The following WWOX variants were observed in gnomAD, a reference collection of about 807,000 sequenced individuals.
WWOX encodes WW domain containing oxidoreductase.
A neutral mutation model predicts 46.2 loss-of-function variants in WWOX; 69 were observed. The observed-to-expected ratio is 1.49, with a 90% confidence interval of 1.23 to 1.82. The LOEUF (loss-of-function observed/expected upper bound fraction) is 1.82. WWOX is among the 40% of genes most tolerant of loss of function. The probability of loss-of-function intolerance (pLI) is 0.00; values close to 1 mark genes in which losing one functional copy is unlikely to be tolerated. For synonymous variants in WWOX, 359 were observed against 202.6 expected (o/e 1.77, Z -6.56); for missense variants, 919 against 542.6 (o/e 1.69, Z -6.89).
At chr16:78,903,813 C>G (rs887594974) in intron 8 of WWOX, among the ~76,000 whole-genome samples, 3 of 152,174 alleles carry the variant, frequency 2.0e-5, no homozygotes, top group African/African-American at 7.2e-5. Flanking sequence ...GAGTCCAGTC[C>G]ATTTATAACA....
intron 8 of WWOX, among the ~76,000 whole-genome samples, chr16:78,720,818 T>G (rs758344071): frequency 5.3e-5 from 8 of 152,122 alleles, no homozygotes; most frequent in Non-Finnish European, 1.2e-4. Context: ...CAAAAGTACA[T>G]TAGATACTTT....
At chr16:78,447,594 C>A (rs1405657470) in intron 8 of WWOX, among the ~76,000 whole-genome samples, 1 of 152,068 alleles carries the variant, frequency 6.6e-6, no homozygotes, top group Non-Finnish European at 1.5e-5. Flanking sequence ...CTCCATTGTT[C>A]CAAAAGGTAA....
intron 8 of WWOX, among the ~76,000 whole-genome samples, chr16:78,861,538 A>G (rs1003783503): frequency 2.6e-4 from 39 of 152,196 alleles, no homozygotes; most frequent in African/African-American, 8.7e-4. Context: ...AAGACATTAT[A>G]TATTGTTATT....
chr16:78,621,590 A>ATTTTTT (rs1567442936), intron 8 of WWOX, among the ~76,000 whole-genome samples: 2 of 42,994 alleles, frequency 4.7e-5, no homozygotes, highest in Non-Finnish European at 5.1e-5. Flanking sequence ...TGTTGTTCTA[A>ATTTTTT]TCTTTTTTTT....
chr16:79,175,688 G>A (rs371582826), intron 8 of WWOX, among the ~76,000 whole-genome samples: 11 of 152,318 alleles, frequency 7.2e-5, no homozygotes, highest in African/African-American at 2.4e-4. Context: ...ATTAGAGGCA[G>A]GCCTGTGTGC....
intron 8 of WWOX, among the ~76,000 whole-genome samples, chr16:78,920,625 C>G (rs958409242): frequency 1.5e-4 from 23 of 152,108 alleles, no homozygotes; most frequent in African/African-American, 5.6e-4. Flanking sequence ...AAAGAACATC[C>G]AGGTCAGGTA....
At chr16:78,809,755 A>G (rs907211538) in intron 8 of WWOX, among the ~76,000 whole-genome samples, 4 of 152,168 alleles carry the variant, frequency 2.6e-5, no homozygotes, top group Non-Finnish European at 5.9e-5. Flanking sequence ...CTCAAAGCTT[A>G]GCTGGGACAG....
rs758222414 is a variant in WWOX at position 78,432,508 on chromosome 16, C to T, written c.812C>T (p.Ser271Phe). 1.7e-5 allele frequency: 28 copies of T among 1,614,002 alleles called. No homozygotes were observed. The highest frequency in any genetic ancestry group is 2.7e-5 in the African/African-American group (2 of 74,910). The change falls in exon 8 of 9, where the codon TCC becomes TTC. Residue 271 changes from serine to phenylalanine, a missense_variant. Ser to Phe is a radical substitution (Grantham distance 155, BLOSUM62 -2). Coordinates refer to ENST00000566780, the MANE Select transcript of WWOX (RefSeq NM_016373.4). ...ESHRFTDIND[S>F]LGKLDFSRLS... Reference sequence around the variant, plus strand: ...TTAAGATTTACAGATATTAACGACTCCTTGGGAAAACTGGACTTCAGTCGC... The same window carrying T: ...TTAAGATTTACAGATATTAACGACTTCTTGGGAAAACTGGACTTCAGTCGC...
At chr16:79,049,159 A>G (rs540079940) in intron 8 of WWOX, among the ~76,000 whole-genome samples, 10 of 152,366 alleles carry the variant, frequency 6.6e-5, no homozygotes, top group African/African-American at 1.7e-4. Context: ...TACAGTCACC[A>G]TCACAACTAT....
At chr16:78,676,065 G>C (rs998489311) in intron 8 of WWOX, among the ~76,000 whole-genome samples, 8 of 151,912 alleles carry the variant, frequency 5.3e-5, no homozygotes, top group African/African-American at 9.7e-5. Context: ...GAATCTCAGA[G>C]TAATCCAGAC....
chr16:79,181,520 G>C (rs1313014744), intron 8 of WWOX, among the ~76,000 whole-genome samples: 1 of 152,008 alleles, frequency 6.6e-6, no homozygotes, highest in African/African-American at 2.4e-5. Context: ...ACACTATGCA[G>C]AACGATTTCC....
At chr16:78,552,418 T>G (rs2044195690) in intron 8 of WWOX, 2 of 152,364 alleles carry the variant, frequency 1.3e-5, no homozygotes, top group East Asian at 1.9e-4. Context: ...TGATGCTATT[T>G]ACAGTTTATA....
At chr16:78,628,805 G>C (rs567773255) in intron 8 of WWOX, among the ~76,000 whole-genome samples, 1 of 152,166 alleles carries the variant, frequency 6.6e-6, no homozygotes, top group African/African-American at 2.4e-5. Flanking sequence ...TGTTGATGCC[G>C]ACGACTAGCC....
intron 8 of WWOX, among the ~76,000 whole-genome samples, chr16:78,867,126 A>G (rs1373741790): frequency 1.3e-5 from 2 of 152,120 alleles, no homozygotes; most frequent in Non-Finnish European, 2.9e-5. Context: ...GTGGTTAATG[A>G]TGAGAAGGGG....
At chr16:78,863,089 G>C (rs916240978) in intron 8 of WWOX, among the ~76,000 whole-genome samples, 7 of 151,414 alleles carry the variant, frequency 4.6e-5, no homozygotes, top group African/African-American at 1.7e-4. Context: ...CTCCCAAGTA[G>C]GTGGGATTAC....
intron 1 of WWOX, among the ~76,000 whole-genome samples, chr16:78,106,808 G>T (rs2032177432): frequency 6.6e-6 from 1 of 152,184 alleles, no homozygotes; most frequent in Non-Finnish European, 1.5e-5. Context: ...GCTGGTACAA[G>T]GTTTTAATCG....
chr16:78,490,901 A>G (rs1000436583), intron 8 of WWOX, among the ~76,000 whole-genome samples: 9 of 152,192 alleles, frequency 5.9e-5, no homozygotes, highest in African/African-American at 2.2e-4. Flanking sequence ...AGGAGCTCAT[A>G]AAATGAAACT....
At chr16:78,481,645 A>AAAAGAT (rs79950393) in intron 8 of WWOX, among the ~76,000 whole-genome samples, 2,913 of 148,810 alleles carry the variant, frequency 0.02, 117 homozygotes, top group African/African-American at 0.068. Context: ...GAAAAAAAAA[A>AAAAGAT]AGAATGTTTT....
intron 5 of WWOX, among the ~76,000 whole-genome samples, chr16:78,371,378 G>A (rs2081680598): frequency 6.6e-6 from 1 of 152,154 alleles, no homozygotes; most frequent in Non-Finnish European, 1.5e-5. Flanking sequence ...GAAGTATGTT[G>A]AAACTGCCTT....
Sources: allele counts gnomAD v4.1 joint callset (sites outside exome capture counted in the v4.1 genomes callset), GRCh38; gene constraint gnomAD v4.1.1; transcripts MANE v1.5; gene names NCBI Gene and HGNC (gene_info 2026-07-23, HGNC 2026-07-21).